GORAB: variants seen among roughly 807,000 people sequenced by gnomAD.
GORAB encodes the protein RAB6-interacting golgin.
GORAB carries 17 observed loss-of-function variants against 29.9 expected under a neutral mutation model. That is an observed-to-expected ratio of 0.57 (90% CI 0.39 to 0.85). The LOEUF (loss-of-function observed/expected upper bound fraction) is 0.85, where lower values mean the gene tolerates loss of function less well. Ranked by LOEUF, GORAB falls within the 40% of genes least tolerant of loss-of-function variation. The pLI is 0.00. For synonymous variants in GORAB, 183 were observed against 157.2 expected, an observed-to-expected ratio of 1.16 and a Z score of -1.23; for missense variants, 442 against 437.8, an observed-to-expected ratio of 1.01 and a Z score of -0.09.
At position 170,553,620 on chromosome 1, in the gene GORAB, G is replaced by C; in HGVS notation, c.*1158G>C. On this transcript the variant is annotated 3_prime_UTR_variant, in exon 5 of 5. Transcript: ENST00000367763. ...ACTTAGGGACATCCTGTTTTTAAAT[G>C]GGTTTGTTTGAGGGTATTATCTTCT... is the stretch of plus-strand genomic sequence containing the variant. The C allele has an allele frequency of 2.2e-6, 1 of 452,720 alleles. No homozygotes were observed. The highest frequency in any genetic ancestry group is 4.4e-6 in the Non-Finnish European group (1 of 226,478). 28.0% of individuals were successfully genotyped at this position (452,720 alleles called of 1,614,324 possible). A position where few individuals can be genotyped will look rare whatever the true frequency, so the allele number is the denominator to read the frequency against.
chr1:170,537,318 A>G (rs1351433977), intron 1 of GORAB, among the ~76,000 whole-genome samples: 1 of 152,194 alleles, frequency 6.6e-6, no homozygotes, highest in Non-Finnish European at 1.5e-5. Flanking sequence ...CTACTGGGTC[A>G]GCAGTTAATT....
rs537123665 is a variant in GORAB, at chr1:170,549,061, T to A, written c.663-2954T>A. Among the ~76,000 whole-genome samples the A allele has an allele frequency of 1.9e-4, 29 of 152,326 alleles. No homozygotes were observed. The South Asian group carries it at 5.4e-3, about 28-fold the overall frequency. On this transcript the variant is annotated intron_variant, in intron 4 of 4. Coordinates refer to ENST00000367763, the MANE Select transcript of GORAB (RefSeq NM_152281.3). Reference sequence around the variant, plus strand: ...TGGAACCCAGTGGTATACTGAGGGTTAATGGTTGAGTTTTTAAACATTTCA... The same window carrying A: ...TGGAACCCAGTGGTATACTGAGGGTAAATGGTTGAGTTTTTAAACATTTCA...
chr1:170,537,137 T>C (rs1649110611), intron 1 of GORAB, among the ~76,000 whole-genome samples: 1 of 152,116 alleles, frequency 6.6e-6, no homozygotes, highest in Non-Finnish European at 1.5e-5. Context: ...CTTTCATTCC[T>C]TTCTTTCTTC....
chr1:170,550,098 C>T (rs1650019071), intron 4 of GORAB, among the ~76,000 whole-genome samples: 1 of 152,218 alleles, frequency 6.6e-6, no homozygotes, highest in South Asian at 2.1e-4. Flanking sequence ...TCAGTTATTG[C>T]ATGCCTCTTC....
chr1:170,545,459 G>A (rs1649698442), intron 4 of GORAB: 1 of 975,242 alleles, frequency 1.0e-6, no homozygotes, highest in Non-Finnish European at 1.2e-6. Context: ...TTTTTTAAAA[G>A]AGAAAAAATA....
chr1:170,532,366 G>A, intron 1 of GORAB, 82 bp downstream of exon 1: 1 of 1,459,120 alleles, frequency 6.9e-7, no homozygotes, highest in Non-Finnish European at 9.6e-7. Context: ...GGGAAAGGGG[G>A]CGTGGAAGCG....
At chr1:170,543,957 T>C (rs113863347) in intron 3 of GORAB, among the ~76,000 whole-genome samples, 10 of 152,250 alleles carry the variant, frequency 6.6e-5, no homozygotes, top group African/African-American at 2.4e-4. Flanking sequence ...ACATGGTGGA[T>C]TTATGTGGGG....
At position 170,553,449 on chromosome 1, in the gene GORAB, CTG is replaced by C. The variant is rs768459053; in HGVS notation, c.*990_*991del. The C allele has an allele frequency of 4.5e-6, 2 of 444,816 alleles. No homozygotes were observed. The highest frequency in any genetic ancestry group is 1.6e-5 in the South Asian group (1 of 60,912). 27.6% of individuals were successfully genotyped at this position (444,816 alleles called of 1,614,324 possible). On this transcript the variant is annotated 3_prime_UTR_variant, in exon 5 of 5. Transcript: ENST00000367763. ...AAATATTGTAATTTTCTCACAAAGT[CTG>C]TGAATATCACATTATGATTTATTTA...
intron 2 of GORAB, among the ~76,000 whole-genome samples, chr1:170,541,772 A>C (rs1041254585): frequency 1.6e-4 from 25 of 152,076 alleles, no homozygotes; most frequent in African/African-American, 6.0e-4. Flanking sequence ...TTTTTTCTTT[A>C]GCCCAGCATT....
chr1:170,542,560 A>G lies in GORAB; in HGVS notation c.489A>G (p.Lys163=), dbSNP rs754666688. 2 of 1,613,818 alleles carry G rather than the reference A, an allele frequency of 1.2e-6. No homozygotes were observed. Among genetic ancestry groups the G allele is most frequent in the East Asian group, 4.5e-5 (2 of 44,836 alleles). Residue 163 remains lysine (K), a synonymous_variant, in exon 3 of 5, where the codon AAA becomes AAG. Coordinates refer to ENST00000367763, the MANE Select transcript of GORAB (RefSeq NM_152281.3). ...TAATGGAAGAGAAAAATAAACGTAA[A>G]AAAGCTCTTTTGGCTAAAGCTATTG... ...QRLMEEKNKR[K]KALLAKAIAE...
chr1:170,548,899 T>TTTATTCTG (rs1172695031), intron 4 of GORAB, among the ~76,000 whole-genome samples: 2 of 152,118 alleles, frequency 1.3e-5, no homozygotes, highest in African/African-American at 4.8e-5. Flanking sequence ...TATAATTTAT[T>TTTATTCTG]TTATTCTGTT....
intron 4 of GORAB, among the ~76,000 whole-genome samples, chr1:170,549,642 A>G (rs940771473): frequency 5.3e-5 from 8 of 152,296 alleles, no homozygotes; most frequent in African/African-American, 1.9e-4. Flanking sequence ...AGAACATTAC[A>G]TGAACAGGGT....
rs995533466 is a variant in GORAB, at chr1:170,545,786, G to C, written c.662+941G>C. 6 of 972,852 alleles carry C rather than the reference G, an allele frequency of 6.2e-6. No individual in the cohort carries two copies. The African/African-American group carries it at 8.8e-5, about 14-fold the overall frequency. 60.3% of individuals were successfully genotyped at this position (972,852 alleles called of 1,614,324 possible). On this transcript the variant is annotated intron_variant, in intron 4 of 4. Transcript: ENST00000367763. ...TTTTAATAAACTGTTGAGTGTTTAA[G>C]AAAGAGTCTTGTGGTTGTCCTTGTG...
Position 170,552,231 on chromosome 1 carries a change from A to G in GORAB, c.879A>G (p.Leu293=), listed in dbSNP as rs1383087779. The G allele has an allele frequency of 1.6e-5, 26 of 1,614,110 alleles. No homozygotes were observed. The highest frequency in any genetic ancestry group is 2.2e-5 in the Non-Finnish European group (26 of 1,179,964). Reference sequence around the variant, plus strand: ...TTGAGGTGGAGGTCGAGAGATTGCTACACGAACAAGAAGTAGAATCAAGGA... The same window carrying G: ...TTGAGGTGGAGGTCGAGAGATTGCTGCACGAACAAGAAGTAGAATCAAGGA... ...LELEVEVERL[L]HEQEVESRRP... is the part of the protein sequence containing the mutation. Residue 293 remains leucine, a synonymous_variant, in exon 5 of 5, where the codon CTA becomes CTG. Transcript: ENST00000367763.
chr1:170,539,502 T>A lies in GORAB; in HGVS notation c.354T>A (p.Gly118=), dbSNP rs1427582289. ...KELGLENSHD[G]HNNVEILPPK... ...TGGGACTTGAGAATTCCCATGATGG[T>A]CACAACAATGTTGAGATTCTACCTC... Residue 118 remains glycine (G), a synonymous_variant, in exon 2 of 5, where the codon GGT becomes GGA. Transcript: ENST00000367763. 1 of 1,614,074 alleles carries A rather than the reference T, an allele frequency of 6.2e-7. No homozygotes were observed. The highest frequency in any genetic ancestry group is 8.5e-7 in the Non-Finnish European group (1 of 1,179,980).
chr1:170,541,981 C>CT (rs1304530909), intron 2 of GORAB, among the ~76,000 whole-genome samples: 1 of 151,850 alleles, frequency 6.6e-6, no homozygotes, highest in African/African-American at 2.4e-5. Flanking sequence ...AAAAAAAAGT[C>CT]TTAAGAGTTG....
At chr1:170,540,336 C>T (rs1264192041) in intron 2 of GORAB, among the ~76,000 whole-genome samples, 2 of 151,966 alleles carry the variant, frequency 1.3e-5, no homozygotes, top group African/African-American at 2.4e-5. Context: ...TATTTGATAG[C>T]TTGTGTTTTA....
intron 1 of GORAB, among the ~76,000 whole-genome samples, chr1:170,532,800 T>C (rs181834636): frequency 6.6e-6 from 1 of 152,332 alleles, no homozygotes; most frequent in Non-Finnish European, 1.5e-5. Context: ...TGCCAGATGA[T>C]TTTTGCAGTA....
chr1:170,552,114 G>C lies in GORAB; in HGVS notation c.762G>C (p.Thr254=), dbSNP rs528962189. 6.2e-7 allele frequency: 1 copy of C among 1,614,064 alleles called. No individual in the cohort carries two copies. The highest frequency in any genetic ancestry group is 1.3e-5 in the African/African-American group (1 of 75,050). The change falls in exon 5 of 5, where the codon ACG becomes ACC. Residue 254 remains threonine, a synonymous_variant. Transcript: ENST00000367763. ...AGCAACTCACTGAACACCTTTGTAC[G>C]ATCATACAGCAAAATGAGCTCCGAA... ...IKEQLTEHLC[T]IIQQNELRKA... is the part of the protein sequence containing the mutation.
Sources: allele counts gnomAD v4.1 joint callset (sites outside exome capture counted in the v4.1 genomes callset), GRCh38; gene constraint gnomAD v4.1.1; transcripts MANE v1.5; gene names NCBI Gene and HGNC (gene_info 2026-07-23, HGNC 2026-07-21).